Variants in DISC1 observed in about 807,000 individuals in gnomAD.
DISC1 encodes the protein DISC1 scaffold protein.
A neutral mutation model predicts 84.5 loss-of-function variants in DISC1; 57 were observed. The ratio of observed to expected loss-of-function variants is 0.67; its 90% CI spans 0.55 to 0.84. The LOEUF (loss-of-function observed/expected upper bound fraction) is 0.84, where lower values mean the gene tolerates loss of function less well. Among genes scored for constraint, DISC1 ranks in the 40% least tolerant of loss-of-function variants. DISC1 has a pLI of 0.00. For synonymous variants in DISC1, 411 were observed against 415.2 expected, an observed-to-expected ratio of 0.99 and a Z score of 0.12; for missense variants, 1,000 against 1,057.8, an observed-to-expected ratio of 0.95 and a Z score of 0.76.
At chr1:231,991,710 G>C (rs1204629700) in intron 10 of DISC1, among the ~76,000 whole-genome samples, 1 of 152,098 alleles carries the variant, frequency 6.6e-6, no homozygotes, top group Non-Finnish European at 1.5e-5. Flanking sequence ...TATTATTATA[G>C]GGTGTGTGTG....
At chr1:231,676,216 A>C (rs982945990) in intron 1 of DISC1, among the ~76,000 whole-genome samples, 1 of 152,238 alleles carries the variant, frequency 6.6e-6, no homozygotes, top group African/African-American at 2.4e-5. Context: ...GATACATAAC[A>C]GTGGTATATT....
chr1:231,641,291 G>A (rs1165163443), intron 1 of DISC1, among the ~76,000 whole-genome samples: 1 of 152,098 alleles, frequency 6.6e-6, no homozygotes, highest in Non-Finnish European at 1.5e-5. Flanking sequence ...TCCTTCTGAT[G>A]TTCGGATGTG....
chr1:231,691,262 C>G (rs1282542386), intron 1 of DISC1, among the ~76,000 whole-genome samples: 1 of 152,050 alleles, frequency 6.6e-6, no homozygotes, highest in Non-Finnish European at 1.5e-5. Context: ...GAAACCCCCT[C>G]TCTACTAAAA....
chr1:231,678,358 G>A (rs1418588011), intron 1 of DISC1, among the ~76,000 whole-genome samples: 1 of 152,178 alleles, frequency 6.6e-6, no homozygotes, highest in Non-Finnish European at 1.5e-5. Context: ...CGGCAGGCGG[G>A]CAGCTCTGTG....
chr1:231,979,871 CAG>C (rs933481971), intron 10 of DISC1, among the ~76,000 whole-genome samples: 15 of 152,168 alleles, frequency 9.9e-5, no homozygotes, highest in South Asian at 4.2e-4. Context: ...AGTTAAATCG[CAG>C]AGTTTTAAAA....
intron 8 of DISC1, 48 bp from the exon 9 acceptor site, chr1:231,818,281 A>G: frequency 3.8e-6 from 6 of 1,577,588 alleles, no homozygotes; most frequent in Non-Finnish European, 5.2e-6. Flanking sequence ...ATGTGTGTGG[A>G]TGCTGTAAAG....
chr1:231,794,790 T>C (rs1262398519), intron 6 of DISC1, among the ~76,000 whole-genome samples: 1 of 152,216 alleles, frequency 6.6e-6, no homozygotes, highest in Non-Finnish European at 1.5e-5. Flanking sequence ...CTCTCCTTTA[T>C]GCTCTATGTC....
At chr1:231,951,087 A>G (rs1430512686) in intron 9 of DISC1, among the ~76,000 whole-genome samples, 5 of 152,368 alleles carry the variant, frequency 3.3e-5, no homozygotes, top group African/African-American at 1.2e-4. Flanking sequence ...CAACTGAGTC[A>G]CAGGATGATG....
At chr1:231,786,774 C>T (rs777730436) in intron 6 of DISC1, among the ~76,000 whole-genome samples, 1 of 152,072 alleles carries the variant, frequency 6.6e-6, no homozygotes, top group Non-Finnish European at 1.5e-5. Context: ...ATATCTACAC[C>T]CTTCAAGGTA....
intron 6 of DISC1, among the ~76,000 whole-genome samples, chr1:231,779,944 C>T (rs1262138840): frequency 6.6e-6 from 1 of 152,088 alleles, no homozygotes; most frequent in Non-Finnish European, 1.5e-5. Context: ...GGCTATGCTT[C>T]CCAGCCTGTT....
chr1:231,978,937 A>G (rs1054455768), intron 10 of DISC1, among the ~76,000 whole-genome samples: 3 of 152,182 alleles, frequency 2.0e-5, no homozygotes, highest in African/African-American at 7.2e-5. Context: ...ACCGGGCTGC[A>G]CAGCAGGAGG....
chr1:231,935,981 C>A (rs148400099), intron 9 of DISC1, among the ~76,000 whole-genome samples: 1 of 152,162 alleles, frequency 6.6e-6, no homozygotes, highest in East Asian at 1.9e-4. Context: ...TTCTTCCCAA[C>A]GTAATTAAAC....
chr1:231,807,649 C>G (rs1305611909), intron 8 of DISC1, among the ~76,000 whole-genome samples: 1 of 152,170 alleles, frequency 6.6e-6, no homozygotes, highest in Non-Finnish European at 1.5e-5. Flanking sequence ...AGGATCCATC[C>G]TCTGTCAGGT....
chr1:231,832,682 A>G (rs2082327349), intron 9 of DISC1, among the ~76,000 whole-genome samples: 1 of 147,146 alleles, frequency 6.8e-6, no homozygotes, highest in African/African-American at 2.5e-5. Context: ...TAGTAAAGAA[A>G]GCATGTTTGA....
At chr1:231,840,761 G>A (rs1311372028) in intron 9 of DISC1, among the ~76,000 whole-genome samples, 2 of 151,930 alleles carry the variant, frequency 1.3e-5, no homozygotes, top group African/African-American at 4.8e-5. Context: ...AGGCTGGAGT[G>A]CAGTGGCGCG....
At chr1:231,918,631 A>G (rs1021775899) in intron 9 of DISC1, among the ~76,000 whole-genome samples, 2 of 152,204 alleles carry the variant, frequency 1.3e-5, no homozygotes, top group African/African-American at 4.8e-5. Flanking sequence ...TAAACTTTGT[A>G]TTTCACCTGC....
intron 9 of DISC1, among the ~76,000 whole-genome samples, chr1:231,878,316 G>T (rs1275609312): frequency 6.6e-6 from 1 of 152,154 alleles, no homozygotes; most frequent in Non-Finnish European, 1.5e-5. Context: ...CAGGCTAGGG[G>T]CAGGGCACAG....
intron 9 of DISC1, among the ~76,000 whole-genome samples, chr1:231,868,145 G>T (rs1390263240): frequency 1.3e-5 from 2 of 152,300 alleles, no homozygotes; most frequent in East Asian, 3.9e-4. Context: ...CATGCATGTG[G>T]CTGGCATTCT....
At chr1:232,018,311 G>A (rs1252849446) in intron 11 of DISC1, among the ~76,000 whole-genome samples, 5 of 151,934 alleles carry the variant, frequency 3.3e-5, no homozygotes, top group Admixed American at 2.0e-4. Flanking sequence ...TTAAATGTTG[G>A]TATCTTCCAC....
Sources: gnomAD v4.1 joint callset for allele counts (sites outside exome capture counted in the v4.1 genomes callset) on GRCh38, gnomAD v4.1.1 for gene constraint, MANE v1.5 for transcripts, NCBI Gene and HGNC (gene_info 2026-07-23, HGNC 2026-07-21) for gene names.